Variants in SETD9 observed in about 807,000 individuals in gnomAD.
SETD9 encodes SET domain-containing protein 9.
Under a neutral mutation model 36.4 loss-of-function variants are expected in SETD9, and 37 were observed. The observed-to-expected ratio is 1.02, with a 90% CI of 0.78 to 1.34. The LOEUF is 1.34. Among genes scored for constraint, SETD9 ranks in the 40% most tolerant of loss-of-function variants. The pLI is 0.00. For synonymous variants in SETD9, 128 were observed against 132.9 expected (o/e 0.96, Z 0.26); for missense variants, 323 against 353.2 (o/e 0.91, Z 0.69).
rs1749016103 is a variant in SETD9 at position 56,909,949 on chromosome 5, G to C, written c.98+206G>C. ...TAAGGAACGCGGGCCAGAGGCGGGC[G>C]GGGCCGAGGTTGGTGGAGTCCGAGG... On this transcript the variant is annotated intron_variant, in intron 1 of 5. Coordinates refer to ENST00000285947, the MANE Select transcript of SETD9 (RefSeq NM_153706.4). 7 of 1,146,242 alleles carry C rather than the reference G, an allele frequency of 6.1e-6. No homozygotes were observed. In the South Asian group the frequency reaches 1.2e-4, roughly 19 times the overall value. The allele number at this position is 1,146,242 out of a possible 1,614,324, so 71.0% of individuals were successfully genotyped here.
In SETD9 at chr5:56,914,009, C is replaced by A. The variant is rs768499791; in HGVS notation, c.706+20C>A. On this transcript the variant is annotated intron_variant, in intron 4 of 5. Transcript: ENST00000285947. ...CCAATGGTAAGAAGGCATCATGGGG[C>A]TGTGAGATGAGATATATCAATGGCT... 9 of 1,538,814 alleles carry A rather than the reference C, an allele frequency of 5.8e-6. No homozygotes were observed. Among genetic ancestry groups the A allele is most frequent in the Non-Finnish European group, 7.2e-6 (8 of 1,111,818 alleles).
intron 2 of SETD9, chr5:56,912,080 G>C: frequency 3.8e-6 from 2 of 525,312 alleles, no homozygotes; most frequent in Non-Finnish European, 4.9e-6. Context: ...GCGTGAACCC[G>C]GGAGGCGGAG....
chr5:56,924,253 G>GTT (rs35795629), intron 5 of SETD9, among the ~76,000 whole-genome samples: 1 of 149,440 alleles, frequency 6.7e-6, no homozygotes, highest in Non-Finnish European at 1.5e-5. Flanking sequence ...AAAGCCCAAG[G>GTT]TTTTTTTTTT....
chr5:56,917,840 G>A (rs1749496362), downstream of SETD9, among the ~76,000 whole-genome samples: 1 of 152,138 alleles, frequency 6.6e-6, no homozygotes, highest in South Asian at 2.1e-4. Flanking sequence ...GACCTCCATC[G>A]ACCTGACTCC....
downstream of SETD9, chr5:56,928,880 T>C (rs376916899): frequency 2.0e-4 from 313 of 1,593,474 alleles, no homozygotes; most frequent in Non-Finnish European, 2.5e-4. Flanking sequence ...AATTTTAAAA[T>C]AAAATTTATG....
intron 2 of SETD9, 95 bp from the exon 3 acceptor site, chr5:56,912,914 TAA>T (rs1749220939): frequency 1.5e-6 from 2 of 1,324,666 alleles, no homozygotes; most frequent in African/African-American, 2.9e-5. Flanking sequence ...AGAAAGTAAC[TAA>T]AGAGAATGTG....
At chr5:56,919,213 C>T (rs1220539351), downstream of SETD9, among the ~76,000 whole-genome samples, 1 of 150,472 alleles carries the variant, frequency 6.6e-6, no homozygotes, top group Non-Finnish European at 1.5e-5. Flanking sequence ...GCAACCACCA[C>T]CCCCAGGGTT....
intron 4 of SETD9, 64 bp from the exon 5 acceptor site, chr5:56,914,792 TAATTC>T: frequency 9.2e-7 from 1 of 1,081,776 alleles, no homozygotes; most frequent in South Asian, 1.9e-5. Context: ...TTGAGTGTCA[TAATTC>T]AATTCTGTTT....
chr5:56,916,915 G>C lies in SETD9; in HGVS notation c.*13G>C. The C allele has an allele frequency of 6.3e-7, 1 of 1,590,460 alleles. No individual in the cohort carries two copies. The highest frequency in any genetic ancestry group is 8.5e-7 in the Non-Finnish European group (1 of 1,172,264). Reference sequence around the variant, plus strand: ...AATTGTCAGCTAACTCTGTGAATCAGAAATTATTAGGTTTTCTACTCAGCT... The same window carrying C: ...AATTGTCAGCTAACTCTGTGAATCACAAATTATTAGGTTTTCTACTCAGCT... On this transcript the variant is annotated 3_prime_UTR_variant, in exon 6 of 6. Transcript: ENST00000285947.
chr5:56,912,910 T>G (rs991532746), intron 2 of SETD9, 101 bp from the exon 3 acceptor site: 23 of 1,285,466 alleles, frequency 1.8e-5, no homozygotes, highest in Non-Finnish European at 2.3e-5. Flanking sequence ...AGGGAGAAAG[T>G]AACTAAAGAG....
At chr5:56,922,536 A>T (rs1420034900) in intron 5 of SETD9, 1 of 153,434 alleles carries the variant, frequency 6.5e-6, no homozygotes, top group Non-Finnish European at 1.5e-5. Flanking sequence ...GCTCTAGTTG[A>T]ATAACATGAG....
chr5:56,925,272 G>GAA, intron 5 of SETD9: 1 of 438,990 alleles, frequency 2.3e-6, no homozygotes, highest in Non-Finnish European at 4.5e-6. Context: ...AGTAAGACAA[G>GAA]AAAAAGAAAT....
In SETD9 at chr5:56,914,869, G is replaced by A. The variant is rs1749346868; in HGVS notation, c.715G>A (p.Ala239Thr). The stretch of plus-strand genomic sequence containing the variant: ...GATGTGCTTGTTCCTAGACAGAGCA[G>A]CTAATGTCTGTTATCAGGAATTTGA... ...YVNNCSNDRA[A>T]NVCYQEFDVP... The change falls in exon 5 of 6, where the codon GCT becomes ACT. Residue 239 changes from alanine (A) to threonine (T), a missense_variant. Physicochemically the swap from Ala to Thr is moderately conservative, Grantham distance 58. Coordinates refer to ENST00000285947, the MANE Select transcript of SETD9 (RefSeq NM_153706.4). 16 of 1,598,716 alleles carry A rather than the reference G, an allele frequency of 1.0e-5. No homozygotes were observed. The highest frequency in any genetic ancestry group is 1.4e-5 in the Non-Finnish European group (16 of 1,169,644).
At chr5:56,919,907 T>A (rs1365458833), downstream of SETD9, 2 of 152,636 alleles carry the variant, frequency 1.3e-5, no homozygotes, top group African/African-American at 2.4e-5. Flanking sequence ...ATTAGGAACT[T>A]TTTAAAAAAC....
At chr5:56,909,837 A>C in intron 1 of SETD9, 94 bp downstream of exon 1, 1 of 917,646 alleles carries the variant, frequency 1.1e-6, no homozygotes, top group Non-Finnish European at 1.5e-6. Context: ...CCTGAGGCTG[A>C]CTGCCGGCCT....
At chr5:56,924,242 G>A (rs536178913) in intron 5 of SETD9, among the ~76,000 whole-genome samples, 3 of 151,044 alleles carry the variant, frequency 2.0e-5, no homozygotes, top group African/African-American at 4.8e-5. Context: ...GGCCATTTTC[G>A]AAAGCCCAAG....
chr5:56,916,999 T>C lies in SETD9; in HGVS notation c.*97T>C. On this transcript the variant is annotated 3_prime_UTR_variant, in exon 6 of 6. Transcript: ENST00000285947. ...CTGAGTTCTACCTGTAAAACAAATA[T>C]TTTGAGACTTAATTGGAATAGGAAT... The C allele has an allele frequency of 1.4e-6, 2 of 1,396,428 alleles. No individual in the cohort carries two copies. Among genetic ancestry groups the C allele is most frequent in the Non-Finnish European group, 1.9e-6 (2 of 1,078,264 alleles). 86.5% of individuals were successfully genotyped at this position (1,396,428 alleles called of 1,614,324 possible).
chr5:56,913,434 A>G (rs1002694637), intron 3 of SETD9, among the ~76,000 whole-genome samples: 4 of 147,962 alleles, frequency 2.7e-5, no homozygotes, highest in Non-Finnish European at 5.9e-5. Flanking sequence ...CCCAGGCTGG[A>G]GTGCAACAGT....
At chr5:56,920,032 A>G (rs978786092), downstream of SETD9, 7 of 152,618 alleles carry the variant, frequency 4.6e-5, no homozygotes, top group Non-Finnish European at 1.0e-4. Flanking sequence ...GTTTACATTC[A>G]AAGTTGAAAT....
Sources: gnomAD v4.1 joint callset for allele counts (sites outside exome capture counted in the v4.1 genomes callset) on GRCh38, gnomAD v4.1.1 for gene constraint, MANE v1.5 for transcripts, NCBI Gene and HGNC (gene_info 2026-07-23, HGNC 2026-07-21) for gene names.